ARLN: variants seen among roughly 807,000 people sequenced by gnomAD.
The protein encoded by ARLN is sarcoplasmic/endoplasmic reticulum calcium ATPase regulator ARLN.
the ARLN span, chr4:119,300,361 A>C: frequency 6.2e-7 from 1 of 1,611,894 alleles, no homozygotes; most frequent in East Asian, 2.2e-5. Context: ...ACAAAGAGAA[A>C]CACCACCACA....
the ARLN span, among the ~76,000 whole-genome samples, chr4:119,303,652 G>C: frequency 1.3e-5 from 2 of 152,204 alleles, no homozygotes; most frequent in Non-Finnish European, 2.9e-5. Flanking sequence ...GGGAGGCCAA[G>C]GTGGGTGGAT....
chr4:119,298,932 A>AACAAACACAC, the ARLN span, among the ~76,000 whole-genome samples: 1 of 151,754 alleles, frequency 6.6e-6, no homozygotes. Flanking sequence ...AGGTCATAAA[A>AACAAACACAC]ACACACACAC....
the ARLN span, among the ~76,000 whole-genome samples, chr4:119,301,260 A>G: frequency 6.6e-6 from 1 of 151,420 alleles, no homozygotes; most frequent in African/African-American, 2.4e-5. Flanking sequence ...AAAAAAAAAA[A>G]AAAAAATCCA....
At chr4:119,301,200 T>G in the ARLN span, among the ~76,000 whole-genome samples, 1 of 143,680 alleles carries the variant, frequency 7.0e-6, no homozygotes, top group Non-Finnish European at 1.5e-5. Flanking sequence ...GGTAAGGAGT[T>G]CGAGACCAGC....
chr4:119,301,728 C>T, the ARLN span, among the ~76,000 whole-genome samples: 14,488 of 152,104 alleles, frequency 0.095, 855 homozygotes, highest in Non-Finnish European at 0.13. Flanking sequence ...AGTACTCCAT[C>T]TTATAGAATT....
At chr4:119,300,373 C>T in the ARLN span, 2 of 1,612,954 alleles carry the variant, frequency 1.2e-6, no homozygotes, top group Admixed American at 3.3e-5. Flanking sequence ...ACCACCACAT[C>T]GAAAAGGATG....
At chr4:119,300,664 G>A in the ARLN span, 3 of 1,552,664 alleles carry the variant, frequency 1.9e-6, no homozygotes, top group Non-Finnish European at 2.6e-6. Flanking sequence ...CCGGGTTCCG[G>A]AATGCACTCT....
At chr4:119,298,164 G>A in the ARLN span, 3 of 152,174 alleles carry the variant, frequency 2.0e-5, no homozygotes, top group African/African-American at 7.2e-5. Context: ...CCAGGTAAGA[G>A]GGCATGCATG....
chr4:119,300,627 C>A, the ARLN span: 1 of 1,591,834 alleles, frequency 6.3e-7, no homozygotes. Context: ...TGAGCGGAGT[C>A]CGGCCGCCTG....
At chr4:119,304,274 C>T in the ARLN span, 2 of 1,536,572 alleles carry the variant, frequency 1.3e-6, no homozygotes, top group East Asian at 2.4e-5. Context: ...TTTAACTTGT[C>T]TCCACCTTCT....
the ARLN span, among the ~76,000 whole-genome samples, chr4:119,302,887 T>A: frequency 6.6e-6 from 1 of 152,226 alleles, no homozygotes; most frequent in Admixed American, 6.5e-5. Context: ...AGGAGGGAGA[T>A]GATGATGAAT....
At chr4:119,300,643 T>C in the ARLN span, 2 of 1,576,552 alleles carry the variant, frequency 1.3e-6, no homozygotes, top group Admixed American at 3.7e-5. Context: ...GCCTGCGCAG[T>C]GCGCCGCGCC....
chr4:119,296,539 A>T, the ARLN span: 1 of 152,198 alleles, frequency 6.6e-6, no homozygotes, highest in East Asian at 1.9e-4. Context: ...TTCCAGTCCA[A>T]ACCCAAAGGT....
chr4:119,300,191 C>A, the ARLN span: 1 of 688,988 alleles, frequency 1.5e-6, no homozygotes, highest in Non-Finnish European at 2.5e-6. Flanking sequence ...AGTCCTTCTC[C>A]CCCACCCACC....
At chr4:119,304,430 T>G in the ARLN span, 1 of 1,529,904 alleles carries the variant, frequency 6.5e-7, no homozygotes, top group Non-Finnish European at 8.7e-7. Flanking sequence ...ATGGGGCTAT[T>G]TATTAGACTG....
At chr4:119,303,093 A>G in the ARLN span, among the ~76,000 whole-genome samples, 2 of 152,120 alleles carry the variant, frequency 1.3e-5, no homozygotes, top group Admixed American at 1.3e-4. Context: ...ATTCTTTCTC[A>G]TCTTAACTTT....
At chr4:119,302,691 A>G in the ARLN span, among the ~76,000 whole-genome samples, 1 of 152,368 alleles carries the variant, frequency 6.6e-6, no homozygotes. Context: ...ACCAGGGACT[A>G]CAGATTGAAT....
At chr4:119,300,209 G>A in the ARLN span, 1 of 751,794 alleles carries the variant, frequency 1.3e-6, no homozygotes, top group Non-Finnish European at 2.2e-6. Flanking sequence ...ACCCGACTGC[G>A]CCACTCACCA....
At chr4:119,300,204 A>G in the ARLN span, 3 of 730,428 alleles carry the variant, frequency 4.1e-6, no homozygotes, top group Non-Finnish European at 7.0e-6. Context: ...CACCCACCCG[A>G]CTGCGCCACT....
Sources: gnomAD v4.1 joint callset for allele counts (sites outside exome capture counted in the v4.1 genomes callset) on GRCh38, gnomAD v4.1.1 for gene constraint, MANE v1.5 for transcripts, NCBI Gene and HGNC (gene_info 2026-07-23, HGNC 2026-07-21) for gene names.